Variants in GSDME observed in about 807,000 individuals in gnomAD.
The protein encoded by GSDME is gasdermin E, also known as gasdermin-E.
GSDME carries 44 observed loss-of-function variants against 47.5 expected under a neutral mutation model. The observed-to-expected ratio is 0.93, with a 90% CI of 0.73 to 1.19. GSDME has a LOEUF of 1.19. Ranked by LOEUF, GSDME falls within the 50% of genes most tolerant of loss-of-function variation. GSDME has a pLI of 0.00. For synonymous variants in GSDME, 258 were observed against 252.8 expected (o/e 1.02, Z -0.20); for missense variants, 663 against 604.2 (o/e 1.10, Z -1.02).
the GSDME span, among the ~76,000 whole-genome samples, chr7:24,779,588 C>A: frequency 1.3e-5 from 2 of 151,062 alleles, no homozygotes; most frequent in African/African-American, 2.4e-5. The surrounding 1 kb of genome is among the most constrained non-coding windows in gnomAD (Gnocchi z 6.0). Context: ...AAACAGAAAA[C>A]CCCACTAAAA....
At chr7:24,729,008 C>T (rs773978665) in intron 3 of GSDME, among the ~76,000 whole-genome samples, 23 of 152,208 alleles carry the variant, frequency 1.5e-4, no homozygotes, top group African/African-American at 4.3e-4. Context: ...GTGGCTGCTC[C>T]GCCTCTGTCC....
chr7:24,751,108 T>A (rs930922762), intron 1 of GSDME, among the ~76,000 whole-genome samples: 1 of 152,178 alleles, frequency 6.6e-6, no homozygotes, highest in African/African-American at 2.4e-5. Context: ...ATAATTGTAA[T>A]ATTTATGAGA....
At chr7:24,718,854 G>A (rs112596708) in intron 4 of GSDME, among the ~76,000 whole-genome samples, 193 bp downstream of exon 4, 5 of 152,314 alleles carry the variant, frequency 3.3e-5, no homozygotes, top group African/African-American at 1.2e-4. Context: ...AGCAGTGACT[G>A]GAGCCAGTTT....
At chr7:24,720,133 A>G (rs1789721580) in intron 3 of GSDME, among the ~76,000 whole-genome samples, 1 of 152,256 alleles carries the variant, frequency 6.6e-6, no homozygotes, top group African/African-American at 2.4e-5. Flanking sequence ...TGGCCTATCC[A>G]GAGTCACTCA....
At chr7:24,711,961 A>G (rs540504216) in intron 5 of GSDME, among the ~76,000 whole-genome samples, 2 of 152,344 alleles carry the variant, frequency 1.3e-5, no homozygotes, top group African/African-American at 4.8e-5. Context: ...AAGAATTAGC[A>G]TTCTCTTTAT....
the GSDME span, among the ~76,000 whole-genome samples, chr7:24,781,399 A>G: frequency 6.6e-6 from 1 of 152,234 alleles, no homozygotes; most frequent in East Asian, 1.9e-4. Flanking sequence ...TGCAGCTTAC[A>G]GTACTCATGG....
In GSDME at chr7:24,710,371, C is replaced by T. The variant is rs944469407; in HGVS notation, c.715G>A (p.Gly239Arg). 6.2e-7 allele frequency: 1 copy of T among 1,614,214 alleles called. No homozygotes were observed. The highest frequency in any genetic ancestry group is 8.5e-7 in the Non-Finnish European group (1 of 1,180,046). Residue 239 changes from glycine to arginine, a missense_variant, in exon 6 of 10, where the codon GGG becomes AGG. By Grantham distance (125) the Gly-to-Arg change is moderately radical (BLOSUM62 -2). Transcript: ENST00000645220. ...TTGTTCTCGAAGCCACCTTGCTTCC[C>T]TCGGAGAAGGCAGAACTCTGTAGTG... is the stretch of plus-strand genomic sequence containing the variant. ...DGQFEFCLLR[G>R]KQGGFENKKR...
At chr7:24,765,368 G>A in the GSDME span, among the ~76,000 whole-genome samples, 1 of 152,196 alleles carries the variant, frequency 6.6e-6, no homozygotes, top group Admixed American at 6.5e-5. Flanking sequence ...TTAGAACAAT[G>A]GGCACTGTTA....
intron 3 of GSDME, among the ~76,000 whole-genome samples, chr7:24,720,326 G>A (rs2237311): frequency 0.24 from 36,451 of 152,170 alleles, 5,818 homozygotes; most frequent in African/African-American, 0.44. Flanking sequence ...ACTAGAGTTG[G>A]TGACAGCACA....
intron 5 of GSDME, 59 bp from the exon 6 acceptor site, chr7:24,710,447 G>A (rs1304336072): frequency 6.4e-7 from 1 of 1,571,980 alleles, no homozygotes; most frequent in Non-Finnish European, 8.8e-7. Flanking sequence ...GTGCCAACAA[G>A]TCTGGACAGG....
chr7:24,699,299 C>T (rs1464887851), intron 9 of GSDME, 40 bp from the exon 10 acceptor site: 1 of 1,458,838 alleles, frequency 6.9e-7, no homozygotes, highest in Non-Finnish European at 9.6e-7. Context: ...TTTAAAATGT[C>T]CTAAAAAATC....
Position 24,721,080 on chromosome 7 carries a change from C to A in GSDME, c.405-1862G>T, listed in dbSNP as rs1249127245. Among the ~76,000 whole-genome samples the A allele has an allele frequency of 1.3e-5, 2 of 151,894 alleles. No individual in the cohort carries two copies. The highest frequency in any genetic ancestry group is 2.9e-5 in the Non-Finnish European group (2 of 68,018). ...ATGACAGAAAGCAGATTGGAGGTTA[C>A]CGGGGCTGCAGGGCTTCGCTGCCTG... On this transcript the variant is annotated intron_variant, in intron 3 of 9. Coordinates refer to ENST00000645220, the MANE Select transcript of GSDME (RefSeq NM_001127453.2). This position sits in a 1 kb window ranked among gnomAD's most constrained non-coding sequence, Gnocchi z 4.1.
At chr7:24,779,185 A>T in the GSDME span, among the ~76,000 whole-genome samples, 1 of 152,254 alleles carries the variant, frequency 6.6e-6, no homozygotes, top group African/African-American at 2.4e-5. This position sits in a 1 kb window ranked among gnomAD's most constrained non-coding sequence, Gnocchi z 6.0. Flanking sequence ...AGTCAGATGC[A>T]GAAGCTGAAA....
chr7:24,737,231 TAAATG>T (rs993705873), intron 3 of GSDME, among the ~76,000 whole-genome samples: 26 of 151,446 alleles, frequency 1.7e-4, no homozygotes, highest in African/African-American at 5.3e-4. Flanking sequence ...TTTAAAAAGA[TAAATG>T]AAGTTGACAA....
chr7:24,793,990 G>A, the GSDME span, among the ~76,000 whole-genome samples: 2 of 152,178 alleles, frequency 1.3e-5, no homozygotes, highest in Admixed American at 6.5e-5. Flanking sequence ...CAGTGCTTTC[G>A]GGCTACGCCC....
At position 24,742,619 on chromosome 7, in the gene GSDME, T is replaced by C. The variant is rs747709393; in HGVS notation, c.404+1943A>G. 6.6e-6 allele frequency among the ~76,000 whole-genome samples: 1 copy of C among 152,210 alleles called. No homozygotes were observed. Among genetic ancestry groups the C allele is most frequent in the Non-Finnish European group, 1.5e-5 (1 of 68,036 alleles). On this transcript the variant is annotated intron_variant, in intron 3 of 9. Transcript: ENST00000645220. This position sits in a 1 kb window ranked among gnomAD's most constrained non-coding sequence, Gnocchi z 4.4. Reference sequence around the variant, plus strand: ...GAATCATGGTGTTTAAAAACCTATATCGAGAAATGTGATTATAGGACATTG... The same window carrying C: ...GAATCATGGTGTTTAAAAACCTATACCGAGAAATGTGATTATAGGACATTG...
chr7:24,784,242 G>A, the GSDME span, among the ~76,000 whole-genome samples: 71 of 152,170 alleles, frequency 4.7e-4, no homozygotes, highest in Admixed American at 3.6e-3. Flanking sequence ...TTCTGCGGAG[G>A]GACAGAACTA....
At chr7:24,713,535 G>T (rs2721813) in intron 5 of GSDME, among the ~76,000 whole-genome samples, 1 of 152,206 alleles carries the variant, frequency 6.6e-6, no homozygotes, top group Non-Finnish European at 1.5e-5. Context: ...CAGAGAGCAC[G>T]CCCAGAGAGA....
upstream of GSDME, among the ~76,000 whole-genome samples, chr7:24,761,983 G>A (rs1298833917): frequency 1.3e-5 from 2 of 152,052 alleles, no homozygotes; most frequent in African/African-American, 4.8e-5. This position sits in a 1 kb window ranked among gnomAD's most constrained non-coding sequence, Gnocchi z 4.4. Context: ...GATAGGCGCA[G>A]TGGCTTCTGT....
Sources: allele counts gnomAD v4.1 joint callset (sites outside exome capture counted in the v4.1 genomes callset), GRCh38; gene constraint gnomAD v4.1.1; non-coding constraint Gnocchi (gnomAD v3.1); transcripts MANE v1.5; gene names NCBI Gene and HGNC (gene_info 2026-07-23, HGNC 2026-07-21).